The following KIF26A variants were observed in gnomAD, a reference collection of about 807,000 sequenced individuals.
KIF26A encodes the protein kinesin-like protein KIF26A.
In KIF26A, 74 loss-of-function variants were observed where a neutral mutation model predicts 126.0. That is an observed-to-expected ratio of 0.59 (90% confidence interval 0.49 to 0.71). The LOEUF is 0.71. Among genes scored for constraint, KIF26A ranks in the 30% least tolerant of loss-of-function variants. KIF26A has a pLI of 0.00. For missense variants in KIF26A, 2,984 were observed against 2,763.3 expected, an observed-to-expected ratio of 1.08 and a Z score of -1.79; for synonymous variants, 1,445 against 1,232.7, an observed-to-expected ratio of 1.17 and a Z score of -3.61.
chr14:104,154,013 G>A (rs1369949554), intron 3 of KIF26A, among the ~76,000 whole-genome samples: 1 of 152,238 alleles, frequency 6.6e-6, no homozygotes, highest in Non-Finnish European at 1.5e-5. Context: ...CAGTCCGGGC[G>A]ATCGATAGGG....
chr14:104,156,227 T>C (rs1393196979), intron 3 of KIF26A, among the ~76,000 whole-genome samples: 1 of 152,232 alleles, frequency 6.6e-6, no homozygotes, highest in Non-Finnish European at 1.5e-5. Context: ...CAAAGGAGTT[T>C]AGGCTTTTGA....
At position 104,178,657 on chromosome 14, in the gene KIF26A, G is replaced by T; in HGVS notation, c.5218G>T (p.Gly1740Cys). Residue 1740 changes from glycine to cysteine, a missense_variant, in exon 13 of 15, where the codon GGC (glycine) becomes TGC (cysteine). Gly to Cys is a radical substitution (Grantham distance 159). Coordinates refer to ENST00000423312, the MANE Select transcript of KIF26A (RefSeq NM_015656.2). ...QWVDLPPPLA[G>C]SLKEPFEIKV... ...GGTGGACCTGCCCCCGCCCCTGGCTGGCTCCCTGAAGGAGCCGTTCGAGAT... is the reference window on the plus strand; with the variant it reads ...GGTGGACCTGCCCCCGCCCCTGGCTTGCTCCCTGAAGGAGCCGTTCGAGAT... The T allele has an allele frequency of 6.4e-7, 1 of 1,556,164 alleles. No individual in the cohort carries two copies. The highest frequency in any genetic ancestry group is 8.7e-7 in the Non-Finnish European group (1 of 1,150,796).
chr14:104,150,268 C>T (rs908625931), intron 2 of KIF26A, among the ~76,000 whole-genome samples: 7 of 149,318 alleles, frequency 4.7e-5, no homozygotes, highest in Admixed American at 4.0e-4. Context: ...CTGACCTCAG[C>T]GAATCTCCGA....
At position 104,148,243 on chromosome 14, in the gene KIF26A, G is replaced by T. The variant is rs547396043; in HGVS notation, c.289-3772G>T. 6.6e-6 allele frequency among the ~76,000 whole-genome samples: 1 copy of T among 152,290 alleles called. No homozygotes were observed. Among genetic ancestry groups the T allele is most frequent in the Admixed American group, 6.5e-5 (1 of 15,300 alleles). ...GAACAAAGTCATGATTTGTAAGTAG[G>T]GGGGAGACTCCCTAAAACCCAGGCG... On this transcript the variant is annotated intron_variant, in intron 2 of 14. Coordinates refer to ENST00000423312, the MANE Select transcript of KIF26A (RefSeq NM_015656.2). The surrounding 1 kb of genome is among the most constrained non-coding windows in gnomAD (Gnocchi z 4.3).
rs373460854 is a variant in KIF26A, at chr14:104,179,158, G to A, written c.5317-78G>A. On this transcript the variant is annotated intron_variant, in intron 13 of 14. Coordinates refer to ENST00000423312, the MANE Select transcript of KIF26A (RefSeq NM_015656.2). ...CAAGGCCTGGCAGGTGAAGGGAGGC[G>A]GGGGCCACATCAGGGCTGCTTGGGG... is the stretch of plus-strand genomic sequence containing the variant. 321 of 1,365,600 alleles carry A rather than the reference G, an allele frequency of 2.4e-4. 2 individuals are homozygous for A. The East Asian group carries it at 4.5e-3, about 19-fold the overall frequency. The allele number at this position is 1,365,600 out of a possible 1,614,324, so 84.6% of individuals were successfully genotyped here. A position where few individuals can be genotyped will look rare whatever the true frequency, so the allele number is the denominator to read the frequency against.
chr14:104,159,885 G>C (rs1317761860), intron 4 of KIF26A, among the ~76,000 whole-genome samples: 1 of 152,162 alleles, frequency 6.6e-6, no homozygotes, highest in Non-Finnish European at 1.5e-5. Context: ...GAGATCAGAG[G>C]GGGTGTCCAC....
chr14:104,167,481 C>T (rs374350613), intron 5 of KIF26A, among the ~76,000 whole-genome samples: 7 of 152,086 alleles, frequency 4.6e-5, no homozygotes, highest in African/African-American at 9.7e-5. Context: ...AAGCGGGATG[C>T]GTGATGGGTT....
intron 3 of KIF26A, among the ~76,000 whole-genome samples, chr14:104,154,534 C>T (rs539641843): frequency 5.3e-4 from 80 of 152,148 alleles, no homozygotes; most frequent in South Asian, 8.3e-4. Context: ...ACTGTTGGGC[C>T]GGGGCAGCGC....
chr14:104,153,830 A>G (rs2037752732), intron 3 of KIF26A, among the ~76,000 whole-genome samples: 1 of 152,094 alleles, frequency 6.6e-6, no homozygotes, highest in Non-Finnish European at 1.5e-5. Flanking sequence ...GCCTCACTGC[A>G]CCCTGCCCGT....
chr14:104,176,182 C>T lies in KIF26A; in HGVS notation c.3394C>T (p.Arg1132Cys), dbSNP rs774212043. 2.4e-5 allele frequency: 38 copies of T among 1,596,490 alleles called. No homozygotes were observed. The highest frequency in any genetic ancestry group is 1.8e-4 in the South Asian group (16 of 88,160). Residue 1132 changes from arginine to cysteine, a missense_variant, in exon 12 of 15, where the codon CGC (arginine) becomes TGC (cysteine). By Grantham distance (180) the Arg-to-Cys change is radical. Coordinates refer to ENST00000423312, the MANE Select transcript of KIF26A (RefSeq NM_015656.2). Reference protein sequence around the residue: ...ADSRDPTPQPRFSPDSLAGLD... With the variant: ...ADSRDPTPQPCFSPDSLAGLD... ...CAGCCGTGACCCCACGCCGCAGCCC[C>T]GCTTCAGCCCCGACTCGCTGGCAGG...
chr14:104,167,081 G>T (rs759461225), intron 5 of KIF26A, 33 bp downstream of exon 5: 2 of 1,484,314 alleles, frequency 1.3e-6, no homozygotes, highest in South Asian at 1.3e-5. Context: ...GGCCCTGGGT[G>T]GGGAGGCCAG....
chr14:104,159,422 G>A (rs2153557), intron 4 of KIF26A, among the ~76,000 whole-genome samples: 23 of 152,338 alleles, frequency 1.5e-4, no homozygotes, highest in African/African-American at 5.3e-4. Context: ...GAGCTCCCCC[G>A]GTCCCTGATG....
chr14:104,155,721 G>A (rs1417284082), intron 3 of KIF26A, among the ~76,000 whole-genome samples: 3 of 152,256 alleles, frequency 2.0e-5, no homozygotes, highest in African/African-American at 4.8e-5. Flanking sequence ...GAGCCGAGGC[G>A]CGTGCCGGAC....
At position 104,157,803 on chromosome 14, in the gene KIF26A, T is replaced by A. The variant is rs1193098114; in HGVS notation, c.784T>A (p.Cys262Ser). ...AVAVADTVRE[C>S]PPVAGPDGLS... is the part of the protein sequence containing the mutation. ...GGCGGTGGCAGACACGGTCCGAGAATGCCCCCCCGTGGCCGGCCCTGATGG... is the reference window on the plus strand; with the variant it reads ...GGCGGTGGCAGACACGGTCCGAGAAAGCCCCCCCGTGGCCGGCCCTGATGG... Residue 262 changes from cysteine to serine, a missense_variant, in exon 4 of 15, where the codon TGC becomes AGC. Coordinates refer to ENST00000423312, the MANE Select transcript of KIF26A (RefSeq NM_015656.2). 1 of 1,610,058 alleles carries A rather than the reference T, an allele frequency of 6.2e-7. No individual in the cohort carries two copies. Among genetic ancestry groups the A allele is most frequent in the Non-Finnish European group, 8.5e-7 (1 of 1,178,704 alleles).
chr14:104,152,259 GT>G lies in KIF26A; in HGVS notation c.534del (p.Pro179LeufsTer29), dbSNP rs1566856247. The G allele has an allele frequency of 2.5e-6, 4 of 1,594,516 alleles. No homozygotes were observed. The highest frequency in any genetic ancestry group is 1.7e-5 in the Admixed American group (1 of 57,592). Reference protein sequence around the residue: ...TSSRDTPGPAGPAGRQPGRAG... With the variant: ...TSSRDTPGPAXPAGRQPGRAG... ...TCGAGGGACACGCCAGGACCAGCGGGTCCTGCAGGGAGGCAGCCAGGACGAG... is the reference window on the plus strand; with the variant it reads ...TCGAGGGACACGCCAGGACCAGCGGGCCTGCAGGGAGGCAGCCAGGACGAG... On this transcript the variant is annotated frameshift_variant, in exon 3 of 15. Coordinates refer to ENST00000423312, the MANE Select transcript of KIF26A (RefSeq NM_015656.2). LOFTEE classifies it high-confidence loss of function. The surrounding 1 kb of genome is among the most constrained non-coding windows in gnomAD (Gnocchi z 5.9).
intron 2 of KIF26A, among the ~76,000 whole-genome samples, chr14:104,146,699 G>T (rs946384461): frequency 5.9e-5 from 9 of 152,296 alleles, no homozygotes; most frequent in African/African-American, 2.2e-4. Context: ...TGCAGTCCCG[G>T]CATCCGGACG....
intron 4 of KIF26A, among the ~76,000 whole-genome samples, chr14:104,165,641 T>C (rs1179969187): frequency 1.5e-5 from 2 of 130,676 alleles, no homozygotes; most frequent in Admixed American, 7.1e-5. Flanking sequence ...GTGTCTGTGT[T>C]TCTGTATGCA....
intron 2 of KIF26A, among the ~76,000 whole-genome samples, chr14:104,147,593 G>A (rs1410507594): frequency 1.3e-5 from 2 of 152,180 alleles, no homozygotes; most frequent in Non-Finnish European, 1.5e-5. Flanking sequence ...CCAGACTGGA[G>A]CACCGAGCCC....
Position 104,139,026 on chromosome 14 carries a change from G to T in KIF26A, c.43-17G>T, listed in dbSNP as rs1239815201. ...CGTCCCAGGCTCACTGTCCGCTTCC[G>T]CCCCCACACCCTGCAGGTGGCCGAG... On this transcript the variant is annotated splice_polypyrimidine_tract_variant and intron_variant, in intron 1 of 14. Transcript: ENST00000423312. 1.5e-6 allele frequency: 2 copies of T among 1,333,230 alleles called. No homozygotes were observed. The highest frequency in any genetic ancestry group is 1.9e-6 in the Non-Finnish European group (2 of 1,047,696). 82.6% of individuals were successfully genotyped at this position (1,333,230 alleles called of 1,614,324 possible).
Sources: allele counts gnomAD v4.1 joint callset (sites outside exome capture counted in the v4.1 genomes callset), GRCh38; gene constraint gnomAD v4.1.1; non-coding constraint Gnocchi (gnomAD v3.1); transcripts MANE v1.5; gene names NCBI Gene and HGNC (gene_info 2026-07-23, HGNC 2026-07-21).